Variants in CLVS1 observed in about 807,000 individuals in gnomAD.
The protein encoded by CLVS1 is clavesin-1.
Under a neutral mutation model 33.1 loss-of-function variants are expected in CLVS1, and 10 were observed. The observed-to-expected ratio is 0.30, with a 90% confidence interval of 0.19 to 0.51. CLVS1 has a LOEUF of 0.51. CLVS1 is among the 20% of genes least tolerant of loss of function. The pLI, the probability that CLVS1 is intolerant of heterozygous loss-of-function variation, is 0.97. For missense variants in CLVS1, 343 were observed against 433.4 expected (o/e 0.79, Z 1.85); for synonymous variants, 163 against 166.1 (o/e 0.98, Z 0.14).
At chr8:61,496,390 T>G (rs1271337758) in intron 5 of CLVS1, among the ~76,000 whole-genome samples, 1 of 152,172 alleles carries the variant, frequency 6.6e-6, no homozygotes, top group Admixed American at 6.5e-5. Flanking sequence ...CTCTTGGTTG[T>G]CTTCATGCTT....
chr8:61,470,955 G>A (rs1398310308), intron 5 of CLVS1, among the ~76,000 whole-genome samples: 1 of 152,146 alleles, frequency 6.6e-6, no homozygotes, highest in African/African-American at 2.4e-5. Context: ...CTGTTGTCAT[G>A]GTGATCAGCA....
chr8:61,389,405 G>T (rs1359856784), intron 3 of CLVS1, among the ~76,000 whole-genome samples: 1 of 152,266 alleles, frequency 6.6e-6, no homozygotes, highest in Non-Finnish European at 1.5e-5. Flanking sequence ...GCCAGATGTG[G>T]TGGCACATGC....
chr8:61,108,316 A>T (rs1805573303), intron 1 of CLVS1, among the ~76,000 whole-genome samples: 1 of 152,090 alleles, frequency 6.6e-6, no homozygotes, highest in Admixed American at 6.5e-5. Context: ...AATATATGGT[A>T]ACAGCTAGGT....
At chr8:61,342,646 A>T (rs1812067655) in intron 2 of CLVS1, among the ~76,000 whole-genome samples, 2 of 152,108 alleles carry the variant, frequency 1.3e-5, no homozygotes, top group African/African-American at 4.8e-5. Flanking sequence ...AGCGATATTT[A>T]TTGCCCCTTT....
the CLVS1 span, among the ~76,000 whole-genome samples, chr8:61,020,481 G>C: frequency 1.3e-5 from 2 of 152,254 alleles, no homozygotes; most frequent in Non-Finnish European, 2.9e-5. Flanking sequence ...GCCCCTGAGA[G>C]GGAGGGTGTG....
At chr8:61,213,397 T>C (rs1393292260) in intron 2 of CLVS1, among the ~76,000 whole-genome samples, 1 of 42,456 alleles carries the variant, frequency 2.4e-5, no homozygotes, top group Non-Finnish European at 3.5e-5. Flanking sequence ...CCCAGCCTAG[T>C]GTCCTCTTAA....
chr8:61,345,621 GGTGTGTGTGTGTGTGTAT>G (rs1473825016), intron 2 of CLVS1, among the ~76,000 whole-genome samples: 1 of 148,688 alleles, frequency 6.7e-6, no homozygotes, highest in African/African-American at 2.5e-5. Context: ...AGCCTCTAGG[GGTGTGTGTGTGTGTGTAT>G]GTGTGTGTGT....
At chr8:61,277,198 G>T (rs898983862) in intron 2 of CLVS1, among the ~76,000 whole-genome samples, 2 of 152,268 alleles carry the variant, frequency 1.3e-5, no homozygotes, top group Non-Finnish European at 2.9e-5. Context: ...TGAAGCTTTT[G>T]CCCTCACCCT....
chr8:61,184,933 C>A (rs1807313075), intron 2 of CLVS1, among the ~76,000 whole-genome samples: 1 of 151,940 alleles, frequency 6.6e-6, no homozygotes. Context: ...TTTTAAAGTT[C>A]ACAGAAGAAT....
chr8:61,215,599 T>C lies in CLVS1; in HGVS notation c.-152+83739T>C, dbSNP rs114315291. On this transcript the variant is annotated intron_variant, in intron 2 of 2. Transcript: ENST00000522621. ...TTTCATCAATCTATAAACAGGATCC[T>C]ACTAGCTAGAACTTTGAAGCCCCAT... Among the ~76,000 whole-genome samples the C allele has an allele frequency of 3.3e-3, 498 of 152,196 alleles. 1 individual carries two copies. The highest frequency in any genetic ancestry group is 0.011 in the African/African-American group (462 of 41,520).
intron 2 of CLVS1, among the ~76,000 whole-genome samples, chr8:61,143,482 G>A (rs1465850125): frequency 2.0e-5 from 3 of 152,036 alleles, no homozygotes; most frequent in Admixed American, 2.0e-4. Context: ...CTGTGTGTGT[G>A]CACTCAGAGA....
At chr8:61,384,648 T>C (rs553827133) in intron 3 of CLVS1, among the ~76,000 whole-genome samples, 4 of 152,246 alleles carry the variant, frequency 2.6e-5, no homozygotes, top group African/African-American at 4.8e-5. Flanking sequence ...GGGTTAGATA[T>C]GCTGAATTTA....
intron 2 of CLVS1, among the ~76,000 whole-genome samples, chr8:61,351,581 A>G (rs1462523691): frequency 2.0e-5 from 3 of 152,124 alleles, no homozygotes; most frequent in Non-Finnish European, 4.4e-5. Context: ...ACAAACTTAC[A>G]GATCCCAAAA....
At chr8:61,305,537 T>C (rs374355357) in intron 2 of CLVS1, among the ~76,000 whole-genome samples, 39 of 152,176 alleles carry the variant, frequency 2.6e-4, no homozygotes, top group African/African-American at 9.4e-4. Context: ...AATATTTTGT[T>C]GTATGTATAT....
At chr8:61,049,660 T>C in the CLVS1 span, among the ~76,000 whole-genome samples, 1 of 152,154 alleles carries the variant, frequency 6.6e-6, no homozygotes, top group Non-Finnish European at 1.5e-5. Context: ...GACACATAGA[T>C]AGAGGCCGCA....
At chr8:61,179,676 G>A (rs940986286) in intron 2 of CLVS1, among the ~76,000 whole-genome samples, 1 of 152,110 alleles carries the variant, frequency 6.6e-6, no homozygotes, top group Admixed American at 6.5e-5. Context: ...TTAGAACTCA[G>A]GATTAAGAAA....
At chr8:61,470,049 T>C (rs1378859154) in intron 5 of CLVS1, among the ~76,000 whole-genome samples, 1 of 152,222 alleles carries the variant, frequency 6.6e-6, no homozygotes, top group Admixed American at 6.5e-5. Context: ...GTTCCACAGA[T>C]GCCAATAGGA....
At chr8:61,178,657 A>C (rs1807166539) in intron 2 of CLVS1, among the ~76,000 whole-genome samples, 1 of 152,236 alleles carries the variant, frequency 6.6e-6, no homozygotes, top group Non-Finnish European at 1.5e-5. Flanking sequence ...TGTCAGCAGA[A>C]ACCCTACAAG....
chr8:61,459,411 T>A (rs1003027426), intron 5 of CLVS1, among the ~76,000 whole-genome samples: 1 of 152,136 alleles, frequency 6.6e-6, no homozygotes, highest in Non-Finnish European at 1.5e-5. Context: ...ATGGGTGAGC[T>A]CTTTAGTGGT....
Sources: allele counts gnomAD v4.1 joint callset (sites outside exome capture counted in the v4.1 genomes callset), GRCh38; gene constraint gnomAD v4.1.1; transcripts MANE v1.5; gene names NCBI Gene and HGNC (gene_info 2026-07-23, HGNC 2026-07-21).